The following ATP6V1A variants were observed in gnomAD, a reference collection of about 807,000 sequenced individuals.
The protein encoded by ATP6V1A is ATPase H+ transporting V1 subunit A.
ATP6V1A carries 18 observed loss-of-function variants against 70.1 expected under a neutral mutation model. The ratio of observed to expected loss-of-function variants is 0.26; its 90% confidence interval spans 0.18 to 0.38. ATP6V1A has a LOEUF of 0.38. Among genes scored for constraint, ATP6V1A ranks in the 10% least tolerant of loss-of-function variants. The pLI, the probability that ATP6V1A is intolerant of heterozygous loss-of-function variation, is 1.00. For synonymous variants in ATP6V1A, 232 were observed against 253.8 expected, an observed-to-expected ratio of 0.91 and a Z score of 0.82; for missense variants, 424 against 772.4, an observed-to-expected ratio of 0.55 and a Z score of 5.35.
chr3:113,796,004 T>TAG, intron 11 of ATP6V1A, 65 bp downstream of exon 11: 2 of 1,272,368 alleles, frequency 1.6e-6, no homozygotes, highest in Non-Finnish European at 2.2e-6. Context: ...CCTGCTGTTC[T>TAG]AATGCGATCT....
At chr3:113,782,839 G>A (rs1236626881) in intron 3 of ATP6V1A, among the ~76,000 whole-genome samples, 1 of 151,742 alleles carries the variant, frequency 6.6e-6, no homozygotes, top group African/African-American at 2.4e-5. Flanking sequence ...GGCCAGGCTG[G>A]TCTTGAACTC....
intron 14 of ATP6V1A, 75 bp downstream of exon 14, chr3:113,805,600 C>T: frequency 1.4e-6 from 2 of 1,398,898 alleles, no homozygotes; most frequent in Non-Finnish European, 9.8e-7. Context: ...GACAGAGTCT[C>T]ACTCTGTTGC....
Position 113,809,643 on chromosome 3 carries a change from A to T in ATP6V1A, c.*216A>T. 2.3e-6 allele frequency: 1 copy of T among 428,360 alleles called. No homozygotes were observed. The highest frequency in any genetic ancestry group is 4.4e-6 in the Non-Finnish European group (1 of 228,938). The allele number at this position is 428,360 out of a possible 1,614,324, so 26.5% of individuals were successfully genotyped here. A position where few individuals can be genotyped will look rare whatever the true frequency, so the allele number is the denominator to read the frequency against. On this transcript the variant is annotated 3_prime_UTR_variant, in exon 15 of 15. Transcript: ENST00000273398. ...TTGTGAAGGGCCTCCCTCTTCCTTT[A>T]TCTGAAGTGGTGAATATAGTAAATA...
At chr3:113,802,711 T>G (rs1045951786) in intron 12 of ATP6V1A, 3 of 152,056 alleles carry the variant, frequency 2.0e-5, no homozygotes, top group Non-Finnish European at 2.9e-5. Flanking sequence ...CAGGCTGGAG[T>G]GCAGTGGCAC....
chr3:113,778,826 T>G lies in ATP6V1A; in HGVS notation c.73T>G (p.Ser25Ala), dbSNP rs1708947071. 1 of 1,574,052 alleles carries G rather than the reference T, an allele frequency of 6.4e-7. No individual in the cohort carries two copies. Among genetic ancestry groups the G allele is most frequent in the South Asian group, 1.2e-5 (1 of 83,628 alleles). ...ESTFGYVHGV[S>A]GPVVTACDMA... Reference sequence around the variant, plus strand: ...CACATTTGGTTATGTGCATGGGGTCTCAGGACCTGGTAAGTAATACATCAT... The same window carrying G: ...CACATTTGGTTATGTGCATGGGGTCGCAGGACCTGGTAAGTAATACATCAT... Residue 25 changes from serine to alanine, a missense_variant, in exon 2 of 15, where the codon TCA (serine) becomes GCA (alanine). This residue lies in a region of ATP6V1A where 31 missense variants were observed against 78.6 expected (regional missense o/e 0.39). Coordinates refer to ENST00000273398, the MANE Select transcript of ATP6V1A (RefSeq NM_001690.4).
intron 11 of ATP6V1A, 103 bp from the exon 12 acceptor site, chr3:113,798,138 CAA>C: frequency 9.5e-6 from 11 of 1,160,700 alleles, no homozygotes; most frequent in South Asian, 1.6e-5. Context: ...GTCTCAAAAA[CAA>C]AAAAAAAAGA....
At chr3:113,790,769 T>C (rs1356371323) in intron 8 of ATP6V1A, among the ~76,000 whole-genome samples, 1 of 152,232 alleles carries the variant, frequency 6.6e-6, no homozygotes, top group African/African-American at 2.4e-5. Flanking sequence ...CAAGAAGACT[T>C]ATGGCAACTG....
At chr3:113,779,335 G>A (rs1254482387) in intron 2 of ATP6V1A, among the ~76,000 whole-genome samples, 1 of 152,196 alleles carries the variant, frequency 6.6e-6, no homozygotes, top group East Asian at 1.9e-4. Flanking sequence ...CTGTGGGAAA[G>A]AAGTCTTAGG....
chr3:113,778,535 C>T (rs1407564533), intron 1 of ATP6V1A, among the ~76,000 whole-genome samples: 3 of 151,842 alleles, frequency 2.0e-5, no homozygotes, highest in Non-Finnish European at 4.4e-5. Context: ...ACTGTACCAC[C>T]ACACTCCAGC....
chr3:113,798,965 C>T (rs1362404451), intron 12 of ATP6V1A, among the ~76,000 whole-genome samples: 1 of 152,140 alleles, frequency 6.6e-6, no homozygotes, highest in African/African-American at 2.4e-5. Flanking sequence ...TTACATGTTA[C>T]AAAGTCATCT....
intron 8 of ATP6V1A, among the ~76,000 whole-genome samples, chr3:113,794,276 T>TTG (rs1287506029): frequency 6.6e-6 from 1 of 152,112 alleles, no homozygotes; most frequent in Admixed American, 6.6e-5. Flanking sequence ...GCATACATGT[T>TTG]TGTGTGTGTG....
chr3:113,807,219 G>C (rs532430193), intron 14 of ATP6V1A, among the ~76,000 whole-genome samples: 1 of 118,362 alleles, frequency 8.4e-6, no homozygotes, highest in African/African-American at 3.2e-5. Flanking sequence ...TTGCTCTGTT[G>C]TCCAGGCTGG....
chr3:113,767,928 G>A (rs920956257), intron 1 of ATP6V1A, among the ~76,000 whole-genome samples: 1 of 152,198 alleles, frequency 6.6e-6, no homozygotes, highest in Middle Eastern at 3.2e-3. Flanking sequence ...TGGGATGTGA[G>A]CCACCGTGCC....
chr3:113,775,529 C>G (rs558794597), intron 1 of ATP6V1A, among the ~76,000 whole-genome samples: 1 of 152,216 alleles, frequency 6.6e-6, no homozygotes, highest in Admixed American at 6.5e-5. Flanking sequence ...TGCACCCAGA[C>G]ACAAGGAACA....
At chr3:113,763,216 T>G (rs1708726555) in intron 1 of ATP6V1A, among the ~76,000 whole-genome samples, 7 of 152,130 alleles carry the variant, frequency 4.6e-5, no homozygotes, top group Admixed American at 4.6e-4. Context: ...GCCTCCTGAG[T>G]AGCTGGGACT....
At chr3:113,770,925 T>C (rs750468286) in intron 1 of ATP6V1A, among the ~76,000 whole-genome samples, 23 of 151,980 alleles carry the variant, frequency 1.5e-4, no homozygotes, top group Middle Eastern at 6.8e-3. Flanking sequence ...AAACCCCGTC[T>C]CTACTAAAAA....
intron 1 of ATP6V1A, among the ~76,000 whole-genome samples, chr3:113,756,254 G>T (rs1009676675): frequency 1.3e-5 from 2 of 152,162 alleles, no homozygotes; most frequent in Non-Finnish European, 1.5e-5. Context: ...GTATTACAAG[G>T]TATTTAACCA....
intron 1 of ATP6V1A, among the ~76,000 whole-genome samples, chr3:113,753,693 C>CTTTTTT (rs11375661): frequency 2.1e-5 from 3 of 141,098 alleles, no homozygotes; most frequent in African/African-American, 2.6e-5. Flanking sequence ...TATCATGTGT[C>CTTTTTT]TTTTTTTTTT....
At chr3:113,797,085 G>A (rs1709160073) in intron 11 of ATP6V1A, among the ~76,000 whole-genome samples, 1 of 151,582 alleles carries the variant, frequency 6.6e-6, no homozygotes, top group Non-Finnish European at 1.5e-5. Flanking sequence ...ATAGGCACCC[G>A]CCACCACACC....
Sources: gnomAD v4.1 joint callset for allele counts (sites outside exome capture counted in the v4.1 genomes callset) on GRCh38, gnomAD v4.1.1 for gene constraint, gnomAD v4.1.1 regional missense constraint, MANE v1.5 for transcripts, NCBI Gene and HGNC (gene_info 2026-07-23, HGNC 2026-07-21) for gene names.